Variants in SNX13 observed in about 807,000 individuals in gnomAD.
SNX13 encodes the protein sorting nexin-13.
In SNX13, 45 loss-of-function variants were observed where a neutral mutation model predicts 133.6. That is an observed-to-expected ratio of 0.34 (90% CI 0.27 to 0.43). The LOEUF is 0.43. Among genes scored for constraint, SNX13 ranks in the 20% least tolerant of loss-of-function variants. SNX13 has a pLI of 1.00. For missense variants in SNX13, 1,032 were observed against 1,145.1 expected (o/e 0.90, Z 1.43); for synonymous variants, 414 against 373.9 (o/e 1.11, Z -1.24).
intron 18 of SNX13, among the ~76,000 whole-genome samples, chr7:17,819,609 T>G (rs1270047264): frequency 6.6e-6 from 1 of 152,140 alleles, no homozygotes; most frequent in Non-Finnish European, 1.5e-5. Flanking sequence ...CTCTATGCAG[T>G]TACCATTTAT....
At chr7:17,926,564 CAG>C (rs1800774789) in intron 1 of SNX13, among the ~76,000 whole-genome samples, 1 of 152,096 alleles carries the variant, frequency 6.6e-6, no homozygotes, top group Middle Eastern at 3.4e-3. Flanking sequence ...CATGAGTAAA[CAG>C]ATGTTTATAA....
At chr7:17,880,081 G>A (rs1795169950) in intron 5 of SNX13, 1 of 152,148 alleles carries the variant, frequency 6.6e-6, no homozygotes, top group African/African-American at 2.4e-5. Context: ...TTCCTGTGTA[G>A]GAATAAGACT....
Position 17,850,348 on chromosome 7 carries a change from T to C in SNX13, c.1064A>G (p.Lys355Arg), listed in dbSNP as rs34851213. 766 of 1,586,716 alleles carry C rather than the reference T, an allele frequency of 4.8e-4. 2 individuals carry two copies. In the African/African-American group the frequency reaches 9.4e-3, roughly 19 times the overall value. Residue 355 changes from lysine to arginine, a missense_variant and splice_region_variant, in exon 11 of 26, where the codon AAA becomes AGA. Transcript: ENST00000428135. ...DSRIQRLQSGKEINTVKLAAN... is the reference protein window; with the variant it reads ...DSRIQRLQSGREINTVKLAAN... ...TTAATTCAAAACTACTTTACTTACT[T>C]TGCCTGACTGCAATCGCTGTATTCT...
chr7:17,874,944 T>C (rs1562822350), intron 7 of SNX13, among the ~76,000 whole-genome samples: 1 of 152,234 alleles, frequency 6.6e-6, no homozygotes, highest in Non-Finnish European at 1.5e-5. Context: ...GAGAAATTAC[T>C]ACAGATAAAA....
At chr7:17,820,407 G>A (rs1162429460) in intron 18 of SNX13, among the ~76,000 whole-genome samples, 2 of 151,998 alleles carry the variant, frequency 1.3e-5, no homozygotes, top group African/African-American at 2.4e-5. Context: ...TCAATGTGGG[G>A]CAGAAAATTA....
At chr7:17,808,598 C>T (rs956349936) in intron 20 of SNX13, among the ~76,000 whole-genome samples, 10 of 152,112 alleles carry the variant, frequency 6.6e-5, no homozygotes, top group Admixed American at 3.3e-4. Context: ...TCAGGAAATA[C>T]AGAGAACACC....
At chr7:17,831,018 A>C in intron 15 of SNX13, 13 of 984,392 alleles carry the variant, frequency 1.3e-5, no homozygotes, top group Non-Finnish European at 1.6e-5. Context: ...CCTTGGTGAT[A>C]CTTAAAATAA....
intron 1 of SNX13, among the ~76,000 whole-genome samples, chr7:17,914,406 C>A (rs1310401398): frequency 6.6e-6 from 1 of 152,018 alleles, no homozygotes; most frequent in Admixed American, 6.6e-5. Flanking sequence ...AGATACTGTA[C>A]AAGATGACAA....
chr7:17,815,059 G>A (rs1786507158), intron 19 of SNX13, 115 bp from the exon 20 acceptor site: 1 of 1,147,674 alleles, frequency 8.7e-7, no homozygotes, highest in East Asian at 3.3e-5. Context: ...AAAAAATATT[G>A]ATTTATATTT....
At position 17,940,426 on chromosome 7, in the gene SNX13, T is replaced by G. The variant is rs779339875; in HGVS notation, c.-131A>C. 9.3e-7 allele frequency: 1 copy of G among 1,070,940 alleles called. No individual in the cohort carries two copies. The highest frequency in any genetic ancestry group is 1.3e-5 in the South Asian group (1 of 74,788). The allele number at this position is 1,070,940 out of a possible 1,614,324, so 66.3% of individuals were successfully genotyped here. A position where few individuals can be genotyped will look rare whatever the true frequency, so the allele number is the denominator to read the frequency against. On this transcript the variant is annotated 5_prime_UTR_variant, in exon 1 of 26. Transcript: ENST00000428135. The stretch of plus-strand genomic sequence containing the variant: ...TTCAGTCTTCTCCCGGGCGGCGGTT[T>G]TACTCGGCTTCGCTGGCCTCCCCTC...
intron 24 of SNX13, 117 bp downstream of exon 24, chr7:17,798,573 A>G (rs948191336): frequency 1.8e-5 from 13 of 711,710 alleles, no homozygotes; most frequent in South Asian, 1.8e-4. Flanking sequence ...TTGCTCATCA[A>G]TGATAACTAA....
intron 9 of SNX13, among the ~76,000 whole-genome samples, chr7:17,855,984 T>A (rs1297532329): frequency 6.6e-6 from 1 of 152,198 alleles, no homozygotes; most frequent in Non-Finnish European, 1.5e-5. Flanking sequence ...ATTCATGGGA[T>A]GAGGTCAAAT....
intron 9 of SNX13, among the ~76,000 whole-genome samples, chr7:17,851,514 G>A (rs1303603832): frequency 6.6e-6 from 1 of 152,198 alleles, no homozygotes; most frequent in Non-Finnish European, 1.5e-5. Flanking sequence ...CAATGGTGGT[G>A]TGGTACAAAG....
chr7:17,831,721 A>G (rs1380617731), intron 15 of SNX13: 2 of 983,840 alleles, frequency 2.0e-6, no homozygotes, highest in East Asian at 1.1e-4. Context: ...AAATTTCAGA[A>G]TATCTAAAAA....
At chr7:17,885,263 T>C (rs1317296390) in intron 5 of SNX13, among the ~76,000 whole-genome samples, 1 of 130,688 alleles carries the variant, frequency 7.7e-6, no homozygotes, top group South Asian at 2.4e-4. Flanking sequence ...ATTTCATTCA[T>C]ATAAAATGCT....
chr7:17,938,307 C>CA, intron 1 of SNX13, among the ~76,000 whole-genome samples: 1 of 152,248 alleles, frequency 6.6e-6, no homozygotes, highest in Non-Finnish European at 1.5e-5. Flanking sequence ...GGCAGCTGAG[C>CA]AAAACGGTCA....
In SNX13 at chr7:17,805,718, T is replaced by C. The variant is rs571464981; in HGVS notation, c.2065-2138A>G. 4.6e-5 allele frequency among the ~76,000 whole-genome samples: 7 copies of C among 152,332 alleles called. 1 individual carries two copies. In the South Asian group the frequency reaches 1.2e-3, roughly 27 times the overall value. ...ACATGCTTATCTAGGCATGAGGCTA[T>C]ACTACCATTGATACTCTAAGAGAAA... On this transcript the variant is annotated intron_variant, in intron 20 of 25. Transcript: ENST00000428135.
At chr7:17,865,493 A>C (rs746643180) in intron 9 of SNX13, among the ~76,000 whole-genome samples, 13 of 152,192 alleles carry the variant, frequency 8.5e-5, no homozygotes, top group Non-Finnish European at 1.6e-4. Context: ...ACACAAAAAA[A>C]ATGAAAAGAT....
At chr7:17,922,730 G>T (rs1025217722) in intron 1 of SNX13, among the ~76,000 whole-genome samples, 1 of 149,494 alleles carries the variant, frequency 6.7e-6, no homozygotes, top group South Asian at 2.2e-4. Flanking sequence ...TTTAGAGTAC[G>T]AAGTGTAGCA....
Sources: allele counts gnomAD v4.1 joint callset (sites outside exome capture counted in the v4.1 genomes callset), GRCh38; gene constraint gnomAD v4.1.1; transcripts MANE v1.5; gene names NCBI Gene and HGNC (gene_info 2026-07-23, HGNC 2026-07-21).